Variants in LRRTM3 observed in about 807,000 individuals in gnomAD.
LRRTM3 encodes leucine-rich repeat transmembrane neuronal protein 3.
Under a neutral mutation model 44.7 loss-of-function variants are expected in LRRTM3, and 24 were observed. The observed-to-expected ratio is 0.54, with a 90% CI of 0.39 to 0.76. The LOEUF is 0.76. Ranked by LOEUF, LRRTM3 falls within the 30% of genes least tolerant of loss-of-function variation. The probability of loss-of-function intolerance (pLI) is 0.00; values close to 1 mark genes in which losing one functional copy is unlikely to be tolerated. For synonymous variants in LRRTM3, 277 were observed against 278.7 expected (o/e 0.99, Z 0.06); for missense variants, 587 against 702.2 (o/e 0.84, Z 1.85).
chr10:66,942,398 G>C (rs1319479714), intron 2 of LRRTM3, among the ~76,000 whole-genome samples: 1 of 152,108 alleles, frequency 6.6e-6, no homozygotes, highest in Admixed American at 6.6e-5. Context: ...GTATTCTTCT[G>C]TAACAATGTT....
intron 2 of LRRTM3, among the ~76,000 whole-genome samples, chr10:66,966,480 A>AAT (rs964155592): frequency 2.4e-5 from 2 of 83,106 alleles, no homozygotes; most frequent in Non-Finnish European, 3.2e-5. Context: ...TCGGCTATGT[A>AAT]ATATATTTTT....
At chr10:66,961,954 A>C (rs1392750332) in intron 2 of LRRTM3, among the ~76,000 whole-genome samples, 1 of 152,038 alleles carries the variant, frequency 6.6e-6, no homozygotes, top group Non-Finnish European at 1.5e-5. Context: ...CTCATCACTA[A>C]ATTCTATGAT....
rs371761213 is a variant in LRRTM3 at position 67,047,430 on chromosome 10, A to G, written c.1537-50157A>G. On this transcript the variant is annotated intron_variant, in intron 2 of 2. Coordinates refer to ENST00000361320, the MANE Select transcript of LRRTM3 (RefSeq NM_178011.5). ...CAATGAAAGGATAGTGCTAAGTGTG[A>G]AAGAAAAACATTAAGGAAAGGAGTC... 1.4e-4 allele frequency among the ~76,000 whole-genome samples: 22 copies of G among 152,310 alleles called. No individual in the cohort carries two copies. The South Asian group carries it at 3.9e-3, about 27-fold the overall frequency.
intron 2 of LRRTM3, among the ~76,000 whole-genome samples, chr10:66,988,818 T>G (rs191843169): frequency 6.6e-6 from 1 of 152,146 alleles, no homozygotes; most frequent in Non-Finnish European, 1.5e-5. Flanking sequence ...CAATAGATCA[T>G]TATAAACCTC....
chr10:67,088,972 T>C (rs1857465946), intron 2 of LRRTM3, among the ~76,000 whole-genome samples: 1 of 152,034 alleles, frequency 6.6e-6, no homozygotes, highest in African/African-American at 2.4e-5. Context: ...AACAATACAG[T>C]ATAATGACTA....
chr10:66,927,584 C>A lies in LRRTM3; in HGVS notation c.668C>A (p.Ala223Asp). Residue 223 changes from alanine (A) to aspartate (D), a missense_variant, in exon 2 of 3, where the codon GCC (alanine) becomes GAC (aspartate). Around this residue, in one of 3 missense-constraint regions of LRRTM3, gnomAD observed 222 missense variants for 323.3 expected, o/e 0.69. Coordinates refer to ENST00000361320, the MANE Select transcript of LRRTM3 (RefSeq NM_178011.5). This position sits in a 1 kb window ranked among gnomAD's most constrained non-coding sequence, Gnocchi z 4.7. ...AATCAATTTTCCAAGCTCAACCTGG[C>A]CCTTTTTCCAAGGTTGGTCAGCCTT... ...EHNQFSKLNL[A>D]LFPRLVSLQN... 6.2e-7 allele frequency: 1 copy of A among 1,614,162 alleles called. No homozygotes were observed. The highest frequency in any genetic ancestry group is 8.5e-7 in the Non-Finnish European group (1 of 1,180,048).
chr10:67,052,952 A>G (rs7091127), intron 2 of LRRTM3, among the ~76,000 whole-genome samples: 4,938 of 152,288 alleles, frequency 0.032, 245 homozygotes, highest in African/African-American at 0.11. Context: ...CAAACCATTT[A>G]CCTCAAAGTA....
intron 2 of LRRTM3, among the ~76,000 whole-genome samples, chr10:67,041,668 T>G (rs1854403467): frequency 6.6e-6 from 1 of 152,162 alleles, no homozygotes. Context: ...AATTGGCATG[T>G]GTCTATTAAT....
intron 2 of LRRTM3, among the ~76,000 whole-genome samples, chr10:66,987,751 A>G (rs1019167424): frequency 2.0e-5 from 3 of 152,194 alleles, no homozygotes; most frequent in Non-Finnish European, 2.9e-5. Context: ...ATTATGAACT[A>G]CTTCATTTCT....
chr10:66,951,869 T>G (rs1848556212), intron 2 of LRRTM3, among the ~76,000 whole-genome samples: 1 of 152,192 alleles, frequency 6.6e-6, no homozygotes, highest in Non-Finnish European at 1.5e-5. Context: ...TGTTTACATT[T>G]TTCAGAAAGC....
chr10:66,999,500 A>C (rs1851557313), intron 2 of LRRTM3, among the ~76,000 whole-genome samples: 1 of 150,420 alleles, frequency 6.6e-6, no homozygotes, highest in Non-Finnish European at 1.5e-5. Flanking sequence ...TATGCCATAA[A>C]ATCCATTCTT....
chr10:66,967,598 A>T (rs1849505357), intron 2 of LRRTM3, among the ~76,000 whole-genome samples: 1 of 152,024 alleles, frequency 6.6e-6, no homozygotes, highest in African/African-American at 2.4e-5. Flanking sequence ...ATGAGGCGGG[A>T]CTATGTAAAA....
chr10:66,951,983 G>A (rs1001843390), intron 2 of LRRTM3, among the ~76,000 whole-genome samples: 1 of 152,182 alleles, frequency 6.6e-6, no homozygotes, highest in Non-Finnish European at 1.5e-5. Context: ...TTTCAGAGAG[G>A]GAGCTAGTGA....
At chr10:67,054,878 T>G (rs1855331079) in intron 2 of LRRTM3, 3 of 152,204 alleles carry the variant, frequency 2.0e-5, no homozygotes, top group Non-Finnish European at 4.4e-5. Context: ...ATCCTGTTAG[T>G]ACATTATAGC....
intron 2 of LRRTM3, among the ~76,000 whole-genome samples, chr10:67,034,947 A>G (rs1589638136): frequency 6.6e-6 from 1 of 152,220 alleles, no homozygotes; most frequent in Non-Finnish European, 1.5e-5. Context: ...ACTGCCTGAA[A>G]TATGCCCACC....
chr10:67,082,929 A>G (rs1363942560), intron 2 of LRRTM3, among the ~76,000 whole-genome samples: 1 of 152,146 alleles, frequency 6.6e-6, no homozygotes, highest in Non-Finnish European at 1.5e-5. Flanking sequence ...AACTACATCA[A>G]TGAAATTAAG....
At chr10:66,995,103 A>G (rs796919074) in intron 2 of LRRTM3, among the ~76,000 whole-genome samples, 7 of 152,264 alleles carry the variant, frequency 4.6e-5, no homozygotes, top group African/African-American at 1.4e-4. Context: ...CATGTTTCCA[A>G]TTCCTCTGAG....
intron 2 of LRRTM3, among the ~76,000 whole-genome samples, chr10:67,047,553 C>T (rs1267072328): frequency 6.6e-6 from 1 of 152,146 alleles, no homozygotes; most frequent in African/African-American, 2.4e-5. Context: ...GACCACTTAT[C>T]TACCAAATCC....
chr10:66,936,548 T>C (rs1178206783), intron 2 of LRRTM3, among the ~76,000 whole-genome samples: 3 of 152,142 alleles, frequency 2.0e-5, no homozygotes, highest in Non-Finnish European at 4.4e-5. Flanking sequence ...GTGCACTGCC[T>C]TGCCTGTTTT....
Sources: gnomAD v4.1 joint callset for allele counts (sites outside exome capture counted in the v4.1 genomes callset) on GRCh38, gnomAD v4.1.1 for gene constraint, gnomAD v4.1.1 regional missense constraint, Gnocchi (gnomAD v3.1) non-coding constraint, MANE v1.5 for transcripts, NCBI Gene and HGNC (gene_info 2026-07-23, HGNC 2026-07-21) for gene names.